PRKAG2: variants seen among roughly 807,000 people sequenced by gnomAD.
PRKAG2 encodes the protein 5'-AMP-activated protein kinase subunit gamma-2.
PRKAG2 carries 26 observed loss-of-function variants against 69.6 expected under a neutral mutation model. The ratio of observed to expected loss-of-function variants is 0.37; its 90% CI spans 0.27 to 0.52. PRKAG2 has a LOEUF of 0.52. Among genes scored for constraint, PRKAG2 ranks in the 20% least tolerant of loss-of-function variants. PRKAG2 has a pLI of 0.90. For synonymous variants in PRKAG2, 293 were observed against 285.0 expected (o/e 1.03, Z -0.28); for missense variants, 557 against 740.0 (o/e 0.75, Z 2.87).
intron 3 of PRKAG2, among the ~76,000 whole-genome samples, chr7:151,730,067 A>C (rs1798685300): frequency 6.6e-6 from 1 of 152,190 alleles, no homozygotes; most frequent in South Asian, 2.1e-4. Context: ...TTCAGCTGTG[A>C]GTGATGGAGG....
chr7:151,860,597 T>C (rs1454296938), intron 1 of PRKAG2, among the ~76,000 whole-genome samples: 1 of 151,830 alleles, frequency 6.6e-6, no homozygotes, highest in African/African-American at 2.4e-5. Context: ...CACTGCAGAC[T>C]GGAAGGAGAT....
intron 1 of PRKAG2, among the ~76,000 whole-genome samples, chr7:151,821,856 A>G (rs1159660692): frequency 1.3e-5 from 2 of 152,206 alleles, no homozygotes; most frequent in African/African-American, 2.4e-5. Flanking sequence ...AATAATAATT[A>G]TGCCCACCCC....
At chr7:151,764,466 T>C (rs2075618054) in intron 3 of PRKAG2, among the ~76,000 whole-genome samples, 1 of 152,224 alleles carries the variant, frequency 6.6e-6, no homozygotes, top group Non-Finnish European at 1.5e-5. Flanking sequence ...ACACCTGAGC[T>C]GAGGGCCTAG....
Position 151,780,900 on chromosome 7 carries a change from C to A in PRKAG2, c.466+252G>T, listed in dbSNP as rs2076632386. ...GAGTATCAGGATGTTTACAGTTAAC[C>A]CAAGGACCTTGCTGGACCAGAAGGA... On this transcript the variant is annotated intron_variant, in intron 3 of 15. Coordinates refer to ENST00000287878, the MANE Select transcript of PRKAG2 (RefSeq NM_016203.4). The surrounding 1 kb of genome is among the most constrained non-coding windows in gnomAD (Gnocchi z 4.2). Among the ~76,000 whole-genome samples the A allele has an allele frequency of 1.3e-5, 2 of 152,162 alleles. No individual in the cohort carries two copies.
In PRKAG2 at chr7:151,806,608, G is replaced by A. The variant is rs140439914; in HGVS notation, c.115-20067C>T. 7.2e-3 allele frequency: 1,264 copies of A among 176,660 alleles called. 9 individuals are homozygous for A. Among genetic ancestry groups the A allele is most frequent in the Non-Finnish European group, 0.011 (890 of 82,126 alleles). 10.9% of individuals were successfully genotyped at this position (176,660 alleles called of 1,614,324 possible). A position where few individuals can be genotyped will look rare whatever the true frequency, so the allele number is the denominator to read the frequency against. ...ATTACTAATTAACAAATGCTTGGGT[G>A]GACAATCCTTCAAAATTTAGGATCA... On this transcript the variant is annotated intron_variant, in intron 1 of 15. Coordinates refer to ENST00000287878, the MANE Select transcript of PRKAG2 (RefSeq NM_016203.4).
At chr7:151,845,321 G>A (rs1235803113) in intron 1 of PRKAG2, among the ~76,000 whole-genome samples, 5 of 152,184 alleles carry the variant, frequency 3.3e-5, no homozygotes, top group Non-Finnish European at 7.3e-5. Flanking sequence ...TGAGCTGCAA[G>A]AGGGCTCCGG....
Position 151,584,676 on chromosome 7 carries a change from C to T in PRKAG2, c.865-8224G>A, listed in dbSNP as rs555927558. ...TTCGGGAGGCCGCAGCGCTGAGGATCGCTTGAGCCTCGGGGTTCAAGACCC... is the reference window on the plus strand; with the variant it reads ...TTCGGGAGGCCGCAGCGCTGAGGATTGCTTGAGCCTCGGGGTTCAAGACCC... On this transcript the variant is annotated intron_variant, in intron 6 of 15. Transcript: ENST00000287878. 1.9e-4 allele frequency among the ~76,000 whole-genome samples: 29 copies of T among 152,282 alleles called. No homozygotes were observed. In the South Asian group the frequency reaches 2.3e-3, roughly 12 times the overall value.
chr7:151,868,464 G>T (rs1340583490), intron 1 of PRKAG2, among the ~76,000 whole-genome samples: 1 of 152,244 alleles, frequency 6.6e-6, no homozygotes, highest in South Asian at 2.1e-4. Context: ...TCATCTCAGA[G>T]CGAGTCACGG....
intron 1 of PRKAG2, among the ~76,000 whole-genome samples, chr7:151,844,726 G>A (rs2079389877): frequency 2.0e-5 from 3 of 152,166 alleles, no homozygotes; most frequent in Non-Finnish European, 4.4e-5. Context: ...ACCAGCATGT[G>A]ACCTCCATGA....
At chr7:151,794,798 G>A (rs1285078209) in intron 1 of PRKAG2, among the ~76,000 whole-genome samples, 2 of 152,264 alleles carry the variant, frequency 1.3e-5, no homozygotes, top group African/African-American at 4.8e-5. Flanking sequence ...TCACAGCATG[G>A]CCGCTGCCAG....
At chr7:151,664,477 A>T (rs148186768) in intron 4 of PRKAG2, among the ~76,000 whole-genome samples, 54 of 152,026 alleles carry the variant, frequency 3.6e-4, no homozygotes, top group Non-Finnish European at 6.9e-4. Context: ...GCCCTCACTC[A>T]CATCTCCTCT....
At chr7:151,648,909 T>TTTTTC (rs57131053) in intron 4 of PRKAG2, among the ~76,000 whole-genome samples, 65,760 of 151,100 alleles carry the variant, frequency 0.44, 15,795 homozygotes, top group African/African-American at 0.62. Context: ...CCAGGATTTT[T>TTTTTC]TTTTTTTCCT....
At chr7:151,630,695 G>A (rs988890156) in intron 5 of PRKAG2, among the ~76,000 whole-genome samples, 2 of 152,158 alleles carry the variant, frequency 1.3e-5, no homozygotes, top group South Asian at 2.1e-4. Flanking sequence ...ACTAATATAA[G>A]AGACAAAACC....
chr7:151,652,226 G>A (rs932760798), intron 4 of PRKAG2, among the ~76,000 whole-genome samples: 1 of 152,168 alleles, frequency 6.6e-6, no homozygotes, highest in Non-Finnish European at 1.5e-5. Context: ...ATTATCTGAA[G>A]AGGTAAACCA....
chr7:151,717,627 G>A (rs1038997653), intron 3 of PRKAG2, among the ~76,000 whole-genome samples: 1 of 152,204 alleles, frequency 6.6e-6, no homozygotes, highest in Non-Finnish European at 1.5e-5. Context: ...TGGCTCCCGT[G>A]TGGCCCTGCC....
At chr7:151,667,319 G>A (rs1319490866) in intron 4 of PRKAG2, among the ~76,000 whole-genome samples, 2 of 152,116 alleles carry the variant, frequency 1.3e-5, no homozygotes, top group Non-Finnish European at 2.9e-5. Context: ...TGTATCTGAG[G>A]GGATGCAAAC....
intron 1 of PRKAG2, among the ~76,000 whole-genome samples, chr7:151,849,026 G>A (rs376045414): frequency 2.0e-5 from 3 of 152,134 alleles, no homozygotes; most frequent in African/African-American, 4.8e-5. Flanking sequence ...ACTGCTCCAC[G>A]GTTCCTCTCC....
intron 1 of PRKAG2, among the ~76,000 whole-genome samples, chr7:151,872,928 C>T (rs561614270): frequency 2.0e-5 from 3 of 152,356 alleles, no homozygotes; most frequent in Admixed American, 6.5e-5. Flanking sequence ...TTCAAGGCAG[C>T]ATTGCCAGAT....
At chr7:151,672,784 ATTG>A (rs1345305283) in intron 4 of PRKAG2, among the ~76,000 whole-genome samples, 1 of 151,774 alleles carries the variant, frequency 6.6e-6, no homozygotes, top group Non-Finnish European at 1.5e-5. Flanking sequence ...CGACATTTGG[ATTG>A]TTGTTGAAAT....
Sources: gnomAD v4.1 joint callset for allele counts (sites outside exome capture counted in the v4.1 genomes callset) on GRCh38, gnomAD v4.1.1 for gene constraint, Gnocchi (gnomAD v3.1) non-coding constraint, MANE v1.5 for transcripts, NCBI Gene and HGNC (gene_info 2026-07-23, HGNC 2026-07-21) for gene names.